The following DPP6 variants were observed in gnomAD, a reference collection of about 807,000 sequenced individuals.
The protein encoded by DPP6 is dipeptidyl peptidase like 6.
Under a neutral mutation model 122.6 loss-of-function variants are expected in DPP6, and 69 were observed. The ratio of observed to expected loss-of-function variants is 0.56; its 90% CI spans 0.46 to 0.69. The LOEUF (loss-of-function observed/expected upper bound fraction) is 0.69. Among genes scored for constraint, DPP6 ranks in the 30% least tolerant of loss-of-function variants. The pLI is 0.00. For missense variants in DPP6, 928 were observed against 1,116.9 expected (o/e 0.83, Z 2.41); for synonymous variants, 418 against 433.1 (o/e 0.97, Z 0.43).
intron 2 of DPP6, among the ~76,000 whole-genome samples, chr7:154,446,937 T>G (rs945026053): frequency 5.3e-5 from 8 of 152,160 alleles, no homozygotes; most frequent in Non-Finnish European, 1.5e-5. Flanking sequence ...AAAGTGGGCT[T>G]AATGGAGTAA....
chr7:154,688,122 A>G lies in DPP6; in HGVS notation c.762+18681A>G, dbSNP rs6964869. On this transcript the variant is annotated intron_variant, in intron 7 of 25. Coordinates refer to ENST00000377770, the MANE Select transcript of DPP6 (RefSeq NM_130797.4). ...CCAGTCACCTGGGCATGCTGCTCCTAAGAGTGTCCTGGCTGTCCTTGGCCT... is the reference window on the plus strand; with the variant it reads ...CCAGTCACCTGGGCATGCTGCTCCTGAGAGTGTCCTGGCTGTCCTTGGCCT... Among the ~76,000 whole-genome samples the G allele has an allele frequency of 9.5e-3, 1,444 of 152,310 alleles. 21 individuals carry two copies. Among genetic ancestry groups the G allele is most frequent in the African/African-American group, 0.033 (1,362 of 41,568 alleles).
chr7:154,767,522 A>G (rs1167730593), intron 8 of DPP6, among the ~76,000 whole-genome samples: 1 of 152,146 alleles, frequency 6.6e-6, no homozygotes, highest in African/African-American at 2.4e-5. Context: ...CGACTGGAAA[A>G]TTACAGACCC....
intron 7 of DPP6, 76 bp from the exon 8 acceptor site, chr7:154,727,691 T>C: frequency 6.7e-7 from 1 of 1,483,684 alleles, no homozygotes. Context: ...GGTTGATGAT[T>C]TCAGATTTTT....
At position 154,023,596 on chromosome 7, in the gene DPP6, C is replaced by T. The variant is rs559679622; in HGVS notation, c.51+135862C>T. On this transcript the variant is annotated intron_variant, in intron 1 of 25. Transcript: ENST00000404039. The stretch of plus-strand genomic sequence containing the variant: ...TCCTGGGTTCAAGTGATTCTCCTGC[C>T]TCAGCCTCCCAAGTAGCTGGAATTA... Among the ~76,000 whole-genome samples the T allele has an allele frequency of 1.7e-3, 259 of 151,754 alleles. 2 individuals are homozygous for T. Among genetic ancestry groups the T allele is most frequent in the African/African-American group, 6.0e-3 (247 of 41,108 alleles).
At chr7:154,005,216 A>AC in intron 1 of DPP6, among the ~76,000 whole-genome samples, 1 of 152,280 alleles carries the variant, frequency 6.6e-6, no homozygotes, top group Middle Eastern at 3.4e-3. Flanking sequence ...CATAGTTCCT[A>AC]CCCCAAGAAA....
At chr7:154,285,615 A>T (rs532204788) in intron 1 of DPP6, among the ~76,000 whole-genome samples, 1 of 152,236 alleles carries the variant, frequency 6.6e-6, no homozygotes, top group Non-Finnish European at 1.5e-5. Flanking sequence ...TCACAGCCAT[A>T]GTAACTTCCT....
intron 1 of DPP6, among the ~76,000 whole-genome samples, chr7:154,063,398 T>C (rs1399077014): frequency 1.1e-4 from 14 of 125,914 alleles, no homozygotes; most frequent in Admixed American, 6.7e-4. Flanking sequence ...GACTGAGAGC[T>C]ATCCCCTCTT....
At chr7:154,210,956 C>G (rs1055700646) in intron 1 of DPP6, among the ~76,000 whole-genome samples, 38 of 152,198 alleles carry the variant, frequency 2.5e-4, no homozygotes, top group African/African-American at 8.9e-4. Context: ...GGTATATTCT[C>G]ATTTCATAGA....
chr7:154,768,628 G>A (rs985421940), intron 8 of DPP6, among the ~76,000 whole-genome samples: 2 of 152,086 alleles, frequency 1.3e-5, no homozygotes, highest in African/African-American at 2.4e-5. Flanking sequence ...TGAAAAAAAC[G>A]CTGTAGAAAT....
intron 1 of DPP6, among the ~76,000 whole-genome samples, chr7:154,295,223 TGGA>T (rs1805460633): frequency 2.6e-5 from 4 of 152,202 alleles, no homozygotes; most frequent in Admixed American, 2.6e-4. Context: ...CATGATTGCC[TGGA>T]GGCCACCAGC....
At chr7:154,425,613 T>TGTGGGTGG (rs1554545562) in intron 1 of DPP6, among the ~76,000 whole-genome samples, 1 of 130,290 alleles carries the variant, frequency 7.7e-6, no homozygotes, top group Non-Finnish European at 1.5e-5. Flanking sequence ...AATGTGTGTG[T>TGTGGGTGG]GTGTGTGGGT....
intron 3 of DPP6, among the ~76,000 whole-genome samples, chr7:154,485,790 C>A (rs1000906586): frequency 6.6e-6 from 1 of 151,984 alleles, no homozygotes; most frequent in South Asian, 2.1e-4. Context: ...CCCATGGAGG[C>A]AGGAATTTTT....
At chr7:153,930,572 A>G (rs1801126718) in intron 1 of DPP6, among the ~76,000 whole-genome samples, 1 of 152,228 alleles carries the variant, frequency 6.6e-6, no homozygotes, top group African/African-American at 2.4e-5. Context: ...CATACTGCAC[A>G]CCATGGCAAC....
intron 7 of DPP6, among the ~76,000 whole-genome samples, chr7:154,672,576 T>G (rs1036395549): frequency 6.6e-6 from 1 of 152,228 alleles, no homozygotes; most frequent in African/African-American, 2.4e-5. Context: ...GAAATTTGAC[T>G]TCCTTTCTGC....
intron 5 of DPP6, among the ~76,000 whole-genome samples, chr7:154,608,862 GAATATCTGTGACTGATAA>G (rs1833738410): frequency 6.6e-6 from 1 of 152,166 alleles, no homozygotes; most frequent in Non-Finnish European, 1.5e-5. Flanking sequence ...TCATCTCCGT[GAATATCTGTGACTGATAA>G]ACTGCTTCAG....
chr7:153,982,812 G>C (rs1326280658), intron 1 of DPP6, among the ~76,000 whole-genome samples: 3 of 152,174 alleles, frequency 2.0e-5, no homozygotes, highest in African/African-American at 7.2e-5. Context: ...CTCTTCTGCA[G>C]GTCTGCTGGA....
chr7:154,256,588 C>T (rs1052231259), intron 1 of DPP6, among the ~76,000 whole-genome samples: 7 of 152,302 alleles, frequency 4.6e-5, no homozygotes, highest in African/African-American at 1.7e-4. Context: ...GGGTTTGTTT[C>T]CCAGTGGCTC....
intron 1 of DPP6, among the ~76,000 whole-genome samples, chr7:153,914,707 C>A (rs1800232256): frequency 6.6e-6 from 1 of 152,158 alleles, no homozygotes; most frequent in African/African-American, 2.4e-5. Context: ...TAACTGATTC[C>A]TCTTCTTTAC....
intron 1 of DPP6, among the ~76,000 whole-genome samples, chr7:154,351,964 A>G (rs1051011732): frequency 2.0e-5 from 3 of 152,084 alleles, no homozygotes; most frequent in African/African-American, 7.2e-5. Flanking sequence ...ACATCCCAGC[A>G]GGGCACTGGC....
Sources: gnomAD v4.1 joint callset for allele counts (sites outside exome capture counted in the v4.1 genomes callset) on GRCh38, gnomAD v4.1.1 for gene constraint, MANE v1.5 for transcripts, NCBI Gene and HGNC (gene_info 2026-07-23, HGNC 2026-07-21) for gene names.